Variants in HDX observed in about 807,000 individuals in gnomAD.
The protein encoded by HDX is highly divergent homeobox.
HDX carries 19 observed loss-of-function variants against 45.2 expected under a neutral mutation model. That is an observed-to-expected ratio of 0.42 (90% confidence interval 0.29 to 0.62). The LOEUF is 0.62. Ranked by LOEUF, HDX falls within the 20% of genes least tolerant of loss-of-function variation. HDX has a pLI of 0.20. For missense variants in HDX, 532 were observed against 493.9 expected, an observed-to-expected ratio of 1.08 and a Z score of -0.73; for synonymous variants, 188 against 172.8, an observed-to-expected ratio of 1.09 and a Z score of -0.69.
chrX:84,356,846 T>C (rs1262339499), intron 6 of HDX, among the ~76,000 whole-genome samples: 2 of 110,614 alleles, frequency 1.8e-5, no homozygotes, highest in Non-Finnish European at 3.8e-5. Flanking sequence ...ATGGTCTCGA[T>C]CTCCTGACCT....
chrX:84,418,371 G>GA (rs1355400406), intron 5 of HDX, among the ~76,000 whole-genome samples: 2 of 111,727 alleles, frequency 1.8e-5, no homozygotes, highest in Admixed American at 9.5e-5. Context: ...AATAATGCGT[G>GA]AAAAAAATAA....
chrX:84,369,852 CT>C (rs2037851159), intron 5 of HDX, among the ~76,000 whole-genome samples: 2 of 111,918 alleles, frequency 1.8e-5, no homozygotes, highest in South Asian at 7.4e-4. Flanking sequence ...TATTAACATC[CT>C]TCAATAAGAA....
At chrX:84,420,338 G>C (rs2039222017) in intron 5 of HDX, among the ~76,000 whole-genome samples, 1 of 111,840 alleles carries the variant, frequency 8.9e-6, no homozygotes, top group Non-Finnish European at 1.9e-5. Context: ...AATGCAATGG[G>C]CATACTGAAG....
chrX:84,482,125 C>A (rs1390487986), intron 2 of HDX, among the ~76,000 whole-genome samples: 2 of 111,696 alleles, frequency 1.8e-5, no homozygotes, highest in Non-Finnish European at 3.8e-5. Context: ...TATTGATAGA[C>A]ACTTAGATCG....
intron 6 of HDX, among the ~76,000 whole-genome samples, chrX:84,351,024 T>TATC (rs1425576809): frequency 9.1e-6 from 1 of 109,765 alleles, no homozygotes; most frequent in Non-Finnish European, 1.9e-5. Context: ...TCTATCTATC[T>TATC]ATCTATCTAT....
chrX:84,490,632 T>G (rs1414973151), intron 1 of HDX, among the ~76,000 whole-genome samples: 1 of 111,406 alleles, frequency 9.0e-6, no homozygotes, highest in African/African-American at 3.2e-5. Context: ...ACAGTTTTGA[T>G]AATGTATATC....
intron 8 of HDX, among the ~76,000 whole-genome samples, chrX:84,334,661 TA>T (rs397895017): frequency 3.6e-5 from 2 of 55,788 alleles, no homozygotes; most frequent in African/African-American, 6.8e-5. Context: ...GTGATTTTTT[TA>T]AAAAAAAAGC....
chrX:84,379,772 G>T (rs1331840080), intron 5 of HDX, among the ~76,000 whole-genome samples: 1 of 110,067 alleles, frequency 9.1e-6, no homozygotes, highest in Non-Finnish European at 1.9e-5. Flanking sequence ...TCAAAAAAGG[G>T]AAAAATCATC....
chrX:84,401,082 C>T (rs9743667), intron 5 of HDX, among the ~76,000 whole-genome samples: 1 of 111,894 alleles, frequency 8.9e-6, no homozygotes, highest in Non-Finnish European at 1.9e-5. Context: ...TAATGTAAAA[C>T]CCAAAACCAT....
chrX:84,385,748 C>CT (rs776936872), intron 5 of HDX, among the ~76,000 whole-genome samples: 43 of 107,393 alleles, frequency 4.0e-4, no homozygotes, highest in African/African-American at 6.4e-4. Context: ...TTCTAGTTGC[C>CT]TTTTTTTTAC....
At chrX:84,334,686 A>G (rs762367003) in intron 8 of HDX, among the ~76,000 whole-genome samples, 1 of 109,384 alleles carries the variant, frequency 9.1e-6, no homozygotes, top group African/African-American at 3.3e-5. Flanking sequence ...AAAAAAAAAA[A>G]AGGTATAAGT....
At chrX:84,354,336 C>T (rs1047110685) in intron 6 of HDX, among the ~76,000 whole-genome samples, 1 of 111,223 alleles carries the variant, frequency 9.0e-6, no homozygotes, top group African/African-American at 3.3e-5. Flanking sequence ...AGCTATATTC[C>T]AAACTTTTAT....
chrX:84,408,509 T>G (rs4828260), intron 5 of HDX, among the ~76,000 whole-genome samples: 7,616 of 94,245 alleles, frequency 0.081, 332 homozygotes, highest in South Asian at 0.27. Flanking sequence ...GTTTTTTTTT[T>G]TTTTTTTTTT....
intron 4 of HDX, among the ~76,000 whole-genome samples, chrX:84,452,444 C>T (rs928972643): frequency 8.4e-5 from 9 of 107,775 alleles, no homozygotes; most frequent in Non-Finnish European, 1.5e-4. Flanking sequence ...TAAATTTAAC[C>T]ACAAGGGCAA....
intron 4 of HDX, among the ~76,000 whole-genome samples, chrX:84,460,549 C>T (rs1416315235): frequency 9.0e-6 from 1 of 111,298 alleles, no homozygotes; most frequent in African/African-American, 3.3e-5. Flanking sequence ...GAGCATACCA[C>T]AACACATTAA....
chrX:84,445,324 C>A (rs1405067186), intron 4 of HDX, among the ~76,000 whole-genome samples: 2 of 111,432 alleles, frequency 1.8e-5, no homozygotes, highest in African/African-American at 6.5e-5. Flanking sequence ...CAGTAAGAGA[C>A]TCATAAATCA....
chrX:84,404,170 A>G (rs2038766034), intron 5 of HDX: 1 of 112,027 alleles, frequency 8.9e-6, no homozygotes, highest in Non-Finnish European at 1.9e-5. Flanking sequence ...CTGACAAGGA[A>G]CTGTTCTAGC....
intron 6 of HDX, among the ~76,000 whole-genome samples, chrX:84,349,548 C>A (rs1180135230): frequency 2.3e-5 from 2 of 88,143 alleles, no homozygotes; most frequent in Non-Finnish European, 4.3e-5. Flanking sequence ...TACACACATA[C>A]ATAAGCATAT....
chrX:84,384,867 T>C (rs58944072), intron 5 of HDX, among the ~76,000 whole-genome samples: 39,102 of 109,783 alleles, frequency 0.36, 5,438 homozygotes, highest in South Asian at 0.49. Flanking sequence ...GAGTTTTCTA[T>C]TCTATTTCAT....
Sources: allele counts gnomAD v4.1 joint callset (sites outside exome capture counted in the v4.1 genomes callset), GRCh38; gene constraint gnomAD v4.1.1; transcripts MANE v1.5; gene names NCBI Gene and HGNC (gene_info 2026-07-23, HGNC 2026-07-21).